NAALADL2: variants seen among roughly 807,000 people sequenced by gnomAD.
The protein encoded by NAALADL2 is inactive N-acetylated-alpha-linked acidic dipeptidase-like protein 2.
NAALADL2 carries 76 observed loss-of-function variants against 87.2 expected under a neutral mutation model. That is an observed-to-expected ratio of 0.87 (90% CI 0.72 to 1.05). The LOEUF (loss-of-function observed/expected upper bound fraction) is 1.05, where lower values mean the gene tolerates loss of function less well. Among genes scored for constraint, NAALADL2 ranks in the 50% least tolerant of loss-of-function variants. The pLI is 0.00. For synonymous variants in NAALADL2, 354 were observed against 331.0 expected (o/e 1.07, Z -0.75); for missense variants, 1,089 against 945.8 (o/e 1.15, Z -1.99).
At chr3:174,586,638 A>G (rs1716758824) in intron 2 of NAALADL2, among the ~76,000 whole-genome samples, 1 of 152,114 alleles carries the variant, frequency 6.6e-6, no homozygotes, top group African/African-American at 2.4e-5. Flanking sequence ...CCTTCATTTA[A>G]CCCGAACATT....
At chr3:175,165,950 G>A (rs530839604) in intron 2 of NAALADL2, among the ~76,000 whole-genome samples, 36 of 151,344 alleles carry the variant, frequency 2.4e-4, no homozygotes, top group African/African-American at 8.5e-4. Flanking sequence ...ATAACTATGT[G>A]GACTTTGCCA....
At chr3:175,210,194 C>G (rs1288650773) in intron 2 of NAALADL2, among the ~76,000 whole-genome samples, 1 of 151,316 alleles carries the variant, frequency 6.6e-6, no homozygotes, top group African/African-American at 2.4e-5. Flanking sequence ...AATGGCTAAA[C>G]AAAACATGAA....
chr3:174,905,863 A>C (rs1355328197), intron 1 of NAALADL2, among the ~76,000 whole-genome samples: 1 of 152,110 alleles, frequency 6.6e-6, no homozygotes, highest in Non-Finnish European at 1.5e-5. Flanking sequence ...TTATAAAGTA[A>C]GAAATCTATG....
At chr3:174,909,223 G>A (rs1733371550) in intron 1 of NAALADL2, among the ~76,000 whole-genome samples, 1 of 151,890 alleles carries the variant, frequency 6.6e-6, no homozygotes, top group South Asian at 2.1e-4. Context: ...GTGATATACC[G>A]TCTCTACTAA....
chr3:175,207,524 T>C (rs991244060), intron 2 of NAALADL2, among the ~76,000 whole-genome samples: 2 of 152,034 alleles, frequency 1.3e-5, no homozygotes, highest in Non-Finnish European at 2.9e-5. Flanking sequence ...AATGACTCAT[T>C]TGTATATTTT....
At chr3:174,543,644 A>G (rs980726732) in intron 1 of NAALADL2, among the ~76,000 whole-genome samples, 3 of 152,058 alleles carry the variant, frequency 2.0e-5, no homozygotes, top group African/African-American at 7.2e-5. Flanking sequence ...TTTAGGGTGT[A>G]TTTTACTAAA....
intron 2 of NAALADL2, among the ~76,000 whole-genome samples, chr3:174,560,553 T>C (rs1713473564): frequency 6.6e-6 from 1 of 152,216 alleles, no homozygotes; most frequent in African/African-American, 2.4e-5. Context: ...AGATGGATAA[T>C]AGTTTTATAA....
rs371940969 is a variant in NAALADL2 at position 175,268,427 on chromosome 3, G to A, written c.939+11897G>A. Among the ~76,000 whole-genome samples the A allele has an allele frequency of 1.5e-4, 23 of 152,116 alleles. No individual in the cohort carries two copies. In the East Asian group the frequency reaches 4.3e-3, roughly 28 times the overall value. ...TCTAGGTGTCAGTGAGTGAGTGGTG[G>A]GTGAATGTGAAGGCCTAGGACCTTA... On this transcript the variant is annotated intron_variant, in intron 4 of 13. Coordinates refer to ENST00000454872, the MANE Select transcript of NAALADL2 (RefSeq NM_207015.3).
intron 2 of NAALADL2, among the ~76,000 whole-genome samples, chr3:175,157,741 G>A (rs1732536749): frequency 6.6e-6 from 1 of 151,918 alleles, no homozygotes; most frequent in South Asian, 2.1e-4. Flanking sequence ...ATCTCTCCAT[G>A]TTTAACTAGA....
At chr3:175,018,811 A>G (rs941346006) in intron 1 of NAALADL2, among the ~76,000 whole-genome samples, 1 of 152,022 alleles carries the variant, frequency 6.6e-6, no homozygotes, top group Middle Eastern at 3.2e-3. Flanking sequence ...CTCCATACCA[A>G]ATAACGTAAC....
chr3:174,850,658 C>A (rs116324397), intron 3 of NAALADL2, among the ~76,000 whole-genome samples: 2,542 of 152,186 alleles, frequency 0.017, 71 homozygotes, highest in African/African-American at 0.059. Flanking sequence ...GACCCCAATA[C>A]AATAATAGCT....
chr3:175,249,625 G>C lies in NAALADL2; in HGVS notation c.820-6786G>C, dbSNP rs1027771047. Reference sequence around the variant, plus strand: ...GGAAACAAAAATTATTGTGTTGGAAGTTATTTTTTATTAACTTCCAAGTAG... The same window carrying C: ...GGAAACAAAAATTATTGTGTTGGAACTTATTTTTTATTAACTTCCAAGTAG... On this transcript the variant is annotated intron_variant, in intron 3 of 13. Coordinates refer to ENST00000454872, the MANE Select transcript of NAALADL2 (RefSeq NM_207015.3). Among the ~76,000 whole-genome samples the C allele has an allele frequency of 1.1e-4, 16 of 152,144 alleles. No individual in the cohort carries two copies. In the South Asian group the frequency reaches 3.1e-3, roughly 30 times the overall value.
At chr3:174,627,540 C>T (rs544483949) in intron 2 of NAALADL2, among the ~76,000 whole-genome samples, 1 of 152,280 alleles carries the variant, frequency 6.6e-6, no homozygotes, top group Middle Eastern at 3.4e-3. Context: ...TTTCAAAGAA[C>T]TAAAAATAGA....
At chr3:174,529,821 A>G (rs867567342) in intron 1 of NAALADL2, among the ~76,000 whole-genome samples, 1 of 152,128 alleles carries the variant, frequency 6.6e-6, no homozygotes, top group African/African-American at 2.4e-5. Context: ...ACACGGCATC[A>G]AATCCCTAAA....
In NAALADL2 at chr3:174,809,439, C is replaced by T. The variant is rs528624335; in HGVS notation, c.-9+71693C>T. Among the ~76,000 whole-genome samples the T allele has an allele frequency of 9.9e-5, 15 of 152,164 alleles. 1 individual carries two copies. The South Asian group carries it at 2.1e-3, about 21-fold the overall frequency. On this transcript the variant is annotated intron_variant, in intron 3 of 3. Coordinates refer to the NAALADL2 transcript ENST00000434257. The stretch of plus-strand genomic sequence containing the variant: ...GCACTATGTTCCATATCAATATGTT[C>T]GGATTTTACCAATTTCACTTTGTAA...
chr3:174,576,570 T>G (rs1265844393), intron 2 of NAALADL2, among the ~76,000 whole-genome samples: 1 of 152,212 alleles, frequency 6.6e-6, no homozygotes, highest in Admixed American at 6.6e-5. Context: ...ATGTATTTAC[T>G]GCTGAATGGA....
chr3:175,368,562 G>GGGGT (rs540592338), intron 5 of NAALADL2, among the ~76,000 whole-genome samples: 1 of 147,048 alleles, frequency 6.8e-6, no homozygotes, highest in Admixed American at 6.8e-5. Context: ...GACTGTAGCA[G>GGGGT]GTGTGTGTGA....
rs578114213 is a variant in NAALADL2 at position 174,574,826 on chromosome 3, T to C, written c.-115+24189T>C. 7.9e-5 allele frequency among the ~76,000 whole-genome samples: 12 copies of C among 152,232 alleles called. No homozygotes were observed. In the East Asian group the frequency reaches 1.9e-3, roughly 24 times the overall value. Reference sequence around the variant, plus strand: ...TCACTCAGTGTAATTTTTTTTGAGATTTATCTATGATGTTGCTTGTATCAA... The same window carrying C: ...TCACTCAGTGTAATTTTTTTTGAGACTTATCTATGATGTTGCTTGTATCAA... On this transcript the variant is annotated intron_variant, in intron 2 of 3. Transcript: ENST00000434257.
intron 8 of NAALADL2, among the ~76,000 whole-genome samples, chr3:175,469,712 C>A (rs1010426819): frequency 6.6e-6 from 1 of 151,948 alleles, no homozygotes; most frequent in Non-Finnish European, 1.5e-5. Context: ...AGTTCAAATT[C>A]TCTTTACCAT....
Sources: allele counts gnomAD v4.1 joint callset (sites outside exome capture counted in the v4.1 genomes callset), GRCh38; gene constraint gnomAD v4.1.1; transcripts MANE v1.5; gene names NCBI Gene and HGNC (gene_info 2026-07-23, HGNC 2026-07-21).